ZNF487: variants seen among roughly 807,000 people sequenced by gnomAD.
ZNF487 encodes the protein KRAB domain only 1.
Under a neutral mutation model 3.0 loss-of-function variants are expected in ZNF487, and 4 were observed. The ratio of observed to expected loss-of-function variants is 1.35; its 90% CI spans 0.66 to 3.08. The LOEUF is 3.08. Ranked by LOEUF, ZNF487 falls within the 30% of genes most tolerant of loss-of-function variation. The probability of loss-of-function intolerance (pLI) is 0.01; values close to 1 mark genes in which losing one functional copy is unlikely to be tolerated. For missense variants in ZNF487, 146 were observed against 98.7 expected, an observed-to-expected ratio of 1.48 and a Z score of -2.03; for synonymous variants, 55 against 34.6, an observed-to-expected ratio of 1.59 and a Z score of -2.06.
At chr10:43,460,831 T>A (rs556824632) in intron 1 of ZNF487, among the ~76,000 whole-genome samples, 1 of 152,008 alleles carries the variant, frequency 6.6e-6, no homozygotes, top group African/African-American at 2.4e-5. Flanking sequence ...TATCTGGGAT[T>A]ACAGGCAGGC....
At chr10:43,513,760 G>A in the ZNF487 span, among the ~76,000 whole-genome samples, 3 of 152,096 alleles carry the variant, frequency 2.0e-5, no homozygotes, top group African/African-American at 4.8e-5. Context: ...GTAAGTCCGG[G>A]GACCCACTGG....
At chr10:43,501,379 TA>T in the ZNF487 span, among the ~76,000 whole-genome samples, 85 of 152,306 alleles carry the variant, frequency 5.6e-4, no homozygotes, top group African/African-American at 2.0e-3. Flanking sequence ...ACACTGTTTA[TA>T]AAAAATATTT....
chr10:43,477,056 CT>C (rs1186839329), intron 3 of ZNF487, among the ~76,000 whole-genome samples: 11 of 151,972 alleles, frequency 7.2e-5, no homozygotes, highest in African/African-American at 2.7e-4. Flanking sequence ...AACAAATATT[CT>C]TTGTATAAAA....
chr10:43,444,451 C>A (rs1453868688), intron 1 of ZNF487, among the ~76,000 whole-genome samples: 1 of 152,044 alleles, frequency 6.6e-6, no homozygotes, highest in Non-Finnish European at 1.5e-5. Flanking sequence ...TGAAGCAGTA[C>A]CCTGAACTGG....
At chr10:43,496,355 G>T in the ZNF487 span, among the ~76,000 whole-genome samples, 1 of 152,146 alleles carries the variant, frequency 6.6e-6, no homozygotes, top group Non-Finnish European at 1.5e-5. Flanking sequence ...ATTGACTACA[G>T]CTCCTAAAAC....
At chr10:43,453,676 A>G (rs2132066856) in intron 1 of ZNF487, 2 of 152,342 alleles carry the variant, frequency 1.3e-5, no homozygotes, top group African/African-American at 4.8e-5. Flanking sequence ...AGTCACCAAC[A>G]GACAGAAGTG....
the ZNF487 span, among the ~76,000 whole-genome samples, chr10:43,521,420 C>T: frequency 6.6e-6 from 1 of 152,164 alleles, no homozygotes; most frequent in Non-Finnish European, 1.5e-5. Context: ...TTCAGTCCTA[C>T]ACTAGCGGAC....
intron 1 of ZNF487, among the ~76,000 whole-genome samples, chr10:43,473,483 C>T (rs975673246): frequency 7.2e-5 from 11 of 151,866 alleles, no homozygotes; most frequent in African/African-American, 2.7e-4. Flanking sequence ...GCAAGATAAG[C>T]CCATTTATAA....
the ZNF487 span, among the ~76,000 whole-genome samples, chr10:43,499,662 G>A: frequency 6.6e-6 from 1 of 151,956 alleles, no homozygotes; most frequent in Non-Finnish European, 1.5e-5. Context: ...GAGGTGGAAG[G>A]ATCTCGTGAG....
chr10:43,455,153 C>T (rs973674275), intron 1 of ZNF487, among the ~76,000 whole-genome samples: 61 of 151,638 alleles, frequency 4.0e-4, no homozygotes, highest in African/African-American at 1.4e-3. Context: ...GAACTATAGG[C>T]GCCCGCCACC....
chr10:43,496,217 G>A, the ZNF487 span: 1 of 395,690 alleles, frequency 2.5e-6, no homozygotes, highest in African/African-American at 2.1e-5. Context: ...ATCCTTTATA[G>A]AGATGAATTA....
intron 3 of ZNF487, among the ~76,000 whole-genome samples, chr10:43,477,791 A>G (rs1270053019): frequency 4.0e-5 from 6 of 151,806 alleles, no homozygotes; most frequent in Admixed American, 2.0e-4. Context: ...GTCTCTACTA[A>G]AAGTACAAAA....
intron 1 of ZNF487, among the ~76,000 whole-genome samples, chr10:43,448,146 T>C (rs534052897): frequency 1.3e-5 from 2 of 151,986 alleles, no homozygotes; most frequent in South Asian, 2.1e-4. Context: ...CCTGCCATCA[T>C]GCCCGGCTAA....
chr10:43,442,908 A>G (rs1432028512), intron 1 of ZNF487, among the ~76,000 whole-genome samples: 1 of 152,176 alleles, frequency 6.6e-6, no homozygotes, highest in Non-Finnish European at 1.5e-5. Context: ...TATTTTTTAA[A>G]TTTATAGCTT....
chr10:43,505,215 T>G, the ZNF487 span, among the ~76,000 whole-genome samples: 2 of 152,112 alleles, frequency 1.3e-5, no homozygotes, highest in African/African-American at 4.8e-5. Context: ...AATACCAACT[T>G]GATATTTATA....
intron 1 of ZNF487, among the ~76,000 whole-genome samples, chr10:43,467,280 C>G (rs978050296): frequency 1.3e-5 from 2 of 152,096 alleles, no homozygotes; most frequent in Admixed American, 1.3e-4. Context: ...TCTTGGCTCA[C>G]TGCAACCTCT....
chr10:43,517,065 A>G, the ZNF487 span, among the ~76,000 whole-genome samples: 5 of 152,320 alleles, frequency 3.3e-5, no homozygotes, highest in Admixed American at 1.3e-4. Context: ...GACAACTATC[A>G]TATTACATTG....
the ZNF487 span, among the ~76,000 whole-genome samples, chr10:43,492,099 G>T: frequency 6.6e-6 from 1 of 151,592 alleles, no homozygotes. Context: ...GCCACATCCC[G>T]CCATGAGCTG....
the ZNF487 span, among the ~76,000 whole-genome samples, chr10:43,502,465 A>G: frequency 6.6e-6 from 1 of 152,150 alleles, no homozygotes; most frequent in African/African-American, 2.4e-5. Flanking sequence ...TGGCACATGT[A>G]TACATATGTA....
Sources: gnomAD v4.1 joint callset for allele counts (sites outside exome capture counted in the v4.1 genomes callset) on GRCh38, gnomAD v4.1.1 for gene constraint, MANE v1.5 for transcripts, NCBI Gene and HGNC (gene_info 2026-07-23, HGNC 2026-07-21) for gene names.